Variants in SCAPER observed in about 807,000 individuals in gnomAD.
SCAPER encodes the protein S phase cyclin A-associated protein in the endoplasmic reticulum.
Under a neutral mutation model 182.2 loss-of-function variants are expected in SCAPER, and 98 were observed. The observed-to-expected ratio is 0.54, with a 90% confidence interval of 0.46 to 0.64. The LOEUF is 0.64. Ranked by LOEUF, SCAPER falls within the 30% of genes least tolerant of loss-of-function variation. The pLI is 0.00. For missense variants in SCAPER, 1,432 were observed against 1,690.0 expected, an observed-to-expected ratio of 0.85 and a Z score of 2.68; for synonymous variants, 605 against 564.6, an observed-to-expected ratio of 1.07 and a Z score of -1.01.
intron 24 of SCAPER, among the ~76,000 whole-genome samples, chr15:76,485,573 G>A (rs1026223271): frequency 2.6e-5 from 4 of 152,094 alleles, no homozygotes; most frequent in Admixed American, 6.5e-5. Context: ...AGTCTGAGTA[G>A]CCCAGGCAAT....
chr15:76,689,972 T>TAC (rs1225600671), intron 20 of SCAPER, among the ~76,000 whole-genome samples: 2 of 49,926 alleles, frequency 4.0e-5, no homozygotes, highest in East Asian at 7.6e-4. Flanking sequence ...TAAATAAATA[T>TAC]GGGCAAACCT....
chr15:76,553,451 C>T (rs575729969), intron 23 of SCAPER, among the ~76,000 whole-genome samples: 2 of 152,342 alleles, frequency 1.3e-5, no homozygotes, highest in East Asian at 3.9e-4. Flanking sequence ...GCCCCACTCC[C>T]ACAGGTGTCC....
intron 20 of SCAPER, among the ~76,000 whole-genome samples, chr15:76,682,236 C>A (rs545206469): frequency 5.3e-5 from 8 of 151,870 alleles, no homozygotes; most frequent in Non-Finnish European, 1.2e-4. Flanking sequence ...TGTGACAGTG[C>A]ACTCACATGG....
chr15:76,455,710 G>C (rs563507970), intron 25 of SCAPER, among the ~76,000 whole-genome samples: 1 of 151,872 alleles, frequency 6.6e-6, no homozygotes. Context: ...TGTGCTGAAC[G>C]TGCAGGTTAC....
At chr15:76,640,349 G>A (rs756283144) in intron 21 of SCAPER, among the ~76,000 whole-genome samples, 19 of 152,116 alleles carry the variant, frequency 1.2e-4, no homozygotes, top group Non-Finnish European at 2.2e-4. Flanking sequence ...GTATAACTCC[G>A]TTTCAATATA....
intron 23 of SCAPER, among the ~76,000 whole-genome samples, chr15:76,573,656 C>G (rs779153971): frequency 4.0e-5 from 6 of 151,866 alleles, no homozygotes; most frequent in African/African-American, 4.8e-5. Flanking sequence ...CTTCTTTGTA[C>G]GTTTAACATT....
intron 8 of SCAPER, among the ~76,000 whole-genome samples, chr15:76,775,500 A>C (rs2063696549): frequency 6.6e-6 from 1 of 152,198 alleles, no homozygotes; most frequent in African/African-American, 2.4e-5. Flanking sequence ...AAACTGAGAC[A>C]AAGAGAAATT....
intron 22 of SCAPER, among the ~76,000 whole-genome samples, chr15:76,580,313 A>G (rs1394655064): frequency 6.6e-6 from 1 of 152,244 alleles, no homozygotes; most frequent in African/African-American, 2.4e-5. Context: ...CTGAAATTGT[A>G]TCAATAGTCT....
intron 1 of SCAPER, among the ~76,000 whole-genome samples, chr15:76,885,900 C>A (rs1423523100): frequency 2.0e-5 from 3 of 152,198 alleles, no homozygotes; most frequent in Admixed American, 2.0e-4. Context: ...ACTAAACATT[C>A]ATCTGTTGAT....
chr15:76,733,600 A>G (rs1173879396), intron 15 of SCAPER, among the ~76,000 whole-genome samples: 1 of 151,330 alleles, frequency 6.6e-6, no homozygotes. Flanking sequence ...AAAAAAAAAG[A>G]AAAAATAGCC....
chr15:76,459,789 C>T (rs1175246573), intron 25 of SCAPER, among the ~76,000 whole-genome samples: 1 of 151,922 alleles, frequency 6.6e-6, no homozygotes, highest in Admixed American at 6.6e-5. Context: ...TTTCTTCTAG[C>T]AGTTTTATAA....
chr15:76,874,148 C>T (rs2072984919), intron 2 of SCAPER, among the ~76,000 whole-genome samples: 1 of 152,148 alleles, frequency 6.6e-6, no homozygotes, highest in South Asian at 2.1e-4. Flanking sequence ...TCTGCCTCGT[C>T]CTCCCAAATT....
chr15:76,682,198 C>T (rs1021021850), intron 20 of SCAPER, among the ~76,000 whole-genome samples: 1 of 152,114 alleles, frequency 6.6e-6, no homozygotes, highest in Non-Finnish European at 1.5e-5. Flanking sequence ...TGCCAGCATG[C>T]AGAAGCCCAT....
intron 23 of SCAPER, among the ~76,000 whole-genome samples, chr15:76,557,293 A>G (rs552834405): frequency 5.9e-5 from 9 of 152,324 alleles, no homozygotes; most frequent in Non-Finnish European, 8.8e-5. Flanking sequence ...AAGAGCCCCA[A>G]TAGCCAAAGC....
At chr15:76,437,539 T>G (rs186601553) in intron 25 of SCAPER, among the ~76,000 whole-genome samples, 1 of 152,344 alleles carries the variant, frequency 6.6e-6, no homozygotes, top group East Asian at 1.9e-4. Flanking sequence ...ACTTTCTTTT[T>G]CTTTTACACA....
intron 20 of SCAPER, among the ~76,000 whole-genome samples, chr15:76,688,698 C>A (rs1324982543): frequency 6.6e-6 from 1 of 152,040 alleles, no homozygotes; most frequent in African/African-American, 2.4e-5. Context: ...AATCCTCTCC[C>A]CATTGCTTGT....
intron 2 of SCAPER, among the ~76,000 whole-genome samples, chr15:76,877,014 T>C (rs569917047): frequency 7.2e-5 from 11 of 152,166 alleles, no homozygotes; most frequent in South Asian, 6.2e-4. Flanking sequence ...AGCTGGAGGA[T>C]TGCTTGAGTC....
At chr15:76,423,607 T>G (rs866908086) in intron 26 of SCAPER, among the ~76,000 whole-genome samples, 1 of 152,104 alleles carries the variant, frequency 6.6e-6, no homozygotes, top group Non-Finnish European at 1.5e-5. Context: ...GGTTTTTTGT[T>G]TCTCCATCTC....
intron 8 of SCAPER, among the ~76,000 whole-genome samples, chr15:76,791,714 C>G (rs1017743154): frequency 1.3e-5 from 2 of 151,886 alleles, no homozygotes; most frequent in African/African-American, 4.8e-5. Context: ...AAAGCAGCAG[C>G]TGAGAAGCTA....
Sources: allele counts gnomAD v4.1 joint callset (sites outside exome capture counted in the v4.1 genomes callset), GRCh38; gene constraint gnomAD v4.1.1; transcripts MANE v1.5; gene names NCBI Gene and HGNC (gene_info 2026-07-23, HGNC 2026-07-21).